TRIM23: variants seen among roughly 807,000 people sequenced by gnomAD.
The protein encoded by TRIM23 is E3 ubiquitin-protein ligase TRIM23.
A neutral mutation model predicts 71.0 loss-of-function variants in TRIM23; 27 were observed. The ratio of observed to expected loss-of-function variants is 0.38; its 90% CI spans 0.28 to 0.52. The LOEUF is 0.52. Among genes scored for constraint, TRIM23 ranks in the 20% least tolerant of loss-of-function variants. The pLI, the probability that TRIM23 is intolerant of heterozygous loss-of-function variation, is 0.84. For missense variants in TRIM23, 482 were observed against 692.3 expected (o/e 0.70, Z 3.41); for synonymous variants, 234 against 238.0 (o/e 0.98, Z 0.16).
At chr5:65,602,576 G>A (rs373159937) in intron 7 of TRIM23, among the ~76,000 whole-genome samples, 2 of 151,934 alleles carry the variant, frequency 1.3e-5, no homozygotes, top group South Asian at 2.1e-4. Flanking sequence ...TTTCAGCATC[G>A]CCTCACTCTA....
chr5:65,609,390 C>G lies in TRIM23; in HGVS notation c.897G>C (p.Leu299=), dbSNP rs767698066. 6.2e-7 allele frequency: 1 copy of G among 1,614,120 alleles called. No individual in the cohort carries two copies. The highest frequency in any genetic ancestry group is 1.1e-5 in the South Asian group (1 of 91,082). ...RAYFYDLHET[L]CRQEEMALSV... The stretch of plus-strand genomic sequence containing the variant: ...TTAGAGCCATTTCTTCTTGACGACA[C>G]AGAGTTTCATGTAGATCATAAAAAT... The change falls in exon 6 of 11, where the codon CTG becomes CTC. Residue 299 remains leucine, a synonymous_variant. Coordinates refer to ENST00000231524, the MANE Select transcript of TRIM23 (RefSeq NM_001656.4).
At position 65,605,056 on chromosome 5, in the gene TRIM23, C is replaced by G. The variant is rs377656828; in HGVS notation, c.1045-11G>C. On this transcript the variant is annotated splice_polypyrimidine_tract_variant and intron_variant, in intron 6 of 10. Transcript: ENST00000231524. ...AACTCTACAATCATCCTATAAGAGG[C>G]AAAACAATATTTCTTATAAACTTTT... 1 of 1,583,270 alleles carries G rather than the reference C, an allele frequency of 6.3e-7. No individual in the cohort carries two copies. Among genetic ancestry groups the G allele is most frequent in the African/African-American group, 1.4e-5 (1 of 73,826 alleles).
chr5:65,599,734 A>G lies in TRIM23; in HGVS notation c.1180-2554T>C, dbSNP rs73097145. Among the ~76,000 whole-genome samples, 259 of 152,326 alleles carry G rather than the reference A, an allele frequency of 1.7e-3. 2 individuals carry two copies. The highest frequency in any genetic ancestry group is 6.0e-3 in the African/African-American group (249 of 41,556). On this transcript the variant is annotated intron_variant, in intron 7 of 10. Transcript: ENST00000231524. ...ATCATGTTTTTTGTGGAGATAGAAA[A>G]AATTAAGCTAAAATTTATAAGGAAG...
chr5:65,603,744 C>A (rs922515844), intron 7 of TRIM23, among the ~76,000 whole-genome samples: 6 of 152,024 alleles, frequency 3.9e-5, no homozygotes, highest in Non-Finnish European at 8.8e-5. Context: ...CACATGAACA[C>A]TTTTTAATCA....
chr5:65,609,571 A>C (rs1358339954), intron 5 of TRIM23, 113 bp from the exon 6 acceptor site: 13 of 1,163,090 alleles, frequency 1.1e-5, no homozygotes, highest in Non-Finnish European at 1.4e-5. Context: ...TCTACAAAAA[A>C]TGGAAAAAAT....
At chr5:65,622,839 T>G (rs1040097824) in intron 1 of TRIM23, among the ~76,000 whole-genome samples, 16 of 152,230 alleles carry the variant, frequency 1.1e-4, no homozygotes, top group African/African-American at 3.9e-4. Flanking sequence ...CTTTTGAGAC[T>G]GTAAGGCAAA....
rs746707367 is a variant in TRIM23, at chr5:65,594,631, C to T, written c.1435G>A (p.Val479Ile). The change falls in exon 10 of 11, where the codon GTA (valine) becomes ATA (isoleucine). Residue 479 changes from valine to isoleucine, a missense_variant. By Grantham distance (29) the Val-to-Ile change is conservative (BLOSUM62 3). This residue lies in a region of TRIM23 where 307 missense variants were observed against 495.8 expected (regional missense o/e 0.62). Transcript: ENST00000231524. The stretch of plus-strand genomic sequence containing the variant: ...ATTCTGTCTCTATGACTGCTATCTA[C>T]AACAAACACAACAGCTACCCAAAAA... ...YLNTQAVVFV[V>I]DSSHRDRISE... The T allele has an allele frequency of 5.7e-6, 9 of 1,568,362 alleles. No homozygotes were observed. In the South Asian group the frequency reaches 1.1e-4, roughly 19 times the overall value.
intron 6 of TRIM23, among the ~76,000 whole-genome samples, chr5:65,606,280 C>T (rs62369058): frequency 0.074 from 11,272 of 151,824 alleles, 423 homozygotes; most frequent in East Asian, 0.096. Flanking sequence ...TCTGTCTCTA[C>T]GAAAAATACA....
At chr5:65,594,908 T>A (rs1754155932) in intron 9 of TRIM23, among the ~76,000 whole-genome samples, 1 of 152,244 alleles carries the variant, frequency 6.6e-6, no homozygotes, top group South Asian at 2.1e-4. Context: ...CAAATTGGTC[T>A]GTATATCAAA....
intron 2 of TRIM23, among the ~76,000 whole-genome samples, chr5:65,616,019 T>G (rs920007728): frequency 6.6e-6 from 1 of 152,184 alleles, no homozygotes; most frequent in African/African-American, 2.4e-5. Flanking sequence ...TCATAAACCT[T>G]CTCTTATTAA....
chr5:65,603,222 CTGTT>C (rs2067305), intron 7 of TRIM23, among the ~76,000 whole-genome samples: 93,743 of 151,440 alleles, frequency 0.62, 29,233 homozygotes, highest in South Asian at 0.65. Flanking sequence ...TTCTGGATAT[CTGTT>C]TAACAATGTG....
Position 65,596,432 on chromosome 5 carries a change from A to C in TRIM23, c.1409T>G (p.Leu470Arg). 1 of 1,590,206 alleles carries C rather than the reference A, an allele frequency of 6.3e-7. No individual in the cohort carries two copies. Reference sequence around the variant, plus strand: ...TTTTTAACTCTCACCTTGAGTATTGAGGTAATAATGTTTCCACAATGGTCT... The same window carrying C: ...TTTTTAACTCTCACCTTGAGTATTGCGGTAATAATGTTTCCACAATGGTCT... ...KLRPLWKHYY[L>R]NTQAVVFVVD... is the part of the protein sequence containing the mutation. The change falls in exon 9 of 11, where the codon CTC becomes CGC. Residue 470 changes from leucine (L) to arginine (R), a missense_variant. Around this residue, in one of 2 missense-constraint regions of TRIM23, gnomAD observed 307 missense variants for 495.8 expected, o/e 0.62. Coordinates refer to ENST00000231524, the MANE Select transcript of TRIM23 (RefSeq NM_001656.4).
chr5:65,599,912 A>C (rs1754314921), intron 7 of TRIM23, among the ~76,000 whole-genome samples: 1 of 152,234 alleles, frequency 6.6e-6, no homozygotes, highest in Non-Finnish European at 1.5e-5. Flanking sequence ...ATTTATAAAG[A>C]AAAGTTTAAT....
chr5:65,620,607 C>T (rs367596040), intron 1 of TRIM23, among the ~76,000 whole-genome samples: 1 of 151,622 alleles, frequency 6.6e-6, no homozygotes, highest in African/African-American at 2.4e-5. Context: ...GTTGTATAAG[C>T]GTATTGTCTT....
intron 2 of TRIM23, among the ~76,000 whole-genome samples, chr5:65,617,730 T>C (rs1754812912): frequency 6.6e-6 from 1 of 152,228 alleles, no homozygotes; most frequent in African/African-American, 2.4e-5. Flanking sequence ...ATTTTCATTA[T>C]TGGCTTATTT....
At position 65,596,407 on chromosome 5, in the gene TRIM23, T is replaced by C; in HGVS notation, c.1420+14A>G. The C allele has an allele frequency of 6.5e-7, 1 of 1,532,250 alleles. No homozygotes were observed. Among genetic ancestry groups the C allele is most frequent in the Non-Finnish European group, 9.0e-7 (1 of 1,109,654 alleles). 94.9% of individuals were successfully genotyped at this position (1,532,250 alleles called of 1,614,324 possible). On this transcript the variant is annotated intron_variant, in intron 9 of 10. Coordinates refer to ENST00000231524, the MANE Select transcript of TRIM23 (RefSeq NM_001656.4). ...TAAAAATGTGAAAAATTAAATGTCA[T>C]TTTTAACTCTCACCTTGAGTATTGA...
chr5:65,605,057 A>G lies in TRIM23; in HGVS notation c.1045-12T>C. ...ACTCTACAATCATCCTATAAGAGGC[A>G]AAACAATATTTCTTATAAACTTTTT... On this transcript the variant is annotated splice_polypyrimidine_tract_variant and intron_variant, in intron 6 of 10. Coordinates refer to ENST00000231524, the MANE Select transcript of TRIM23 (RefSeq NM_001656.4). 1 of 1,587,500 alleles carries G rather than the reference A, an allele frequency of 6.3e-7. No individual in the cohort carries two copies. Among genetic ancestry groups the G allele is most frequent in the South Asian group, 1.2e-5 (1 of 85,346 alleles).
chr5:65,601,519 T>C (rs1754364525), intron 7 of TRIM23, among the ~76,000 whole-genome samples: 1 of 152,024 alleles, frequency 6.6e-6, no homozygotes, highest in Non-Finnish European at 1.5e-5. Context: ...ATCACAAGAA[T>C]AGCACAGGAA....
At chr5:65,592,291 T>A (rs577504760) in intron 10 of TRIM23, among the ~76,000 whole-genome samples, 2 of 152,272 alleles carry the variant, frequency 1.3e-5, no homozygotes, top group South Asian at 4.1e-4. Context: ...AGTGACATGA[T>A]CTTGGCTCAC....
Sources: allele counts gnomAD v4.1 joint callset (sites outside exome capture counted in the v4.1 genomes callset), GRCh38; gene constraint gnomAD v4.1.1; regional missense constraint gnomAD v4.1.1; transcripts MANE v1.5; gene names NCBI Gene and HGNC (gene_info 2026-07-23, HGNC 2026-07-21).